The following NRXN3 variants were observed in gnomAD, a reference collection of about 807,000 sequenced individuals.
NRXN3 encodes the protein neurexin III.
A neutral mutation model predicts 137.6 loss-of-function variants in NRXN3; 32 were observed. The observed-to-expected ratio is 0.23, with a 90% CI of 0.18 to 0.31. The LOEUF (loss-of-function observed/expected upper bound fraction) is 0.31. Among genes scored for constraint, NRXN3 ranks in the 10% least tolerant of loss-of-function variants. The probability of loss-of-function intolerance (pLI) is 1.00; values close to 1 mark genes in which losing one functional copy is unlikely to be tolerated. For missense variants in NRXN3, 1,574 were observed against 2,062.5 expected, an observed-to-expected ratio of 0.76 and a Z score of 4.59; for synonymous variants, 798 against 784.5, an observed-to-expected ratio of 1.02 and a Z score of -0.29.
intron 16 of NRXN3, among the ~76,000 whole-genome samples, chr14:79,469,313 G>A (rs1037149525): frequency 5.3e-5 from 8 of 152,150 alleles, no homozygotes; most frequent in Admixed American, 4.6e-4. Context: ...GAAATTAGCA[G>A]TGTTTTAATA....
intron 4 of NRXN3, among the ~76,000 whole-genome samples, chr14:78,484,050 CA>C (rs1173360055): frequency 7.9e-6 from 1 of 126,804 alleles, no homozygotes; most frequent in East Asian, 2.5e-4. Flanking sequence ...AGAGAGAGAG[CA>C]AAAAAAGAAT....
At chr14:79,776,430 T>G (rs926838439) in intron 19 of NRXN3, among the ~76,000 whole-genome samples, 3 of 152,228 alleles carry the variant, frequency 2.0e-5, no homozygotes, top group African/African-American at 7.2e-5. Context: ...CACAAGGCTC[T>G]GTGATCACGT....
intron 4 of NRXN3, among the ~76,000 whole-genome samples, chr14:78,550,710 G>A (rs530491836): frequency 6.4e-4 from 97 of 152,250 alleles, no homozygotes; most frequent in African/African-American, 2.3e-3. Flanking sequence ...ACTGTAGGTA[G>A]CACAGGACTT....
intron 15 of NRXN3, among the ~76,000 whole-genome samples, chr14:79,379,606 G>A (rs2094407225): frequency 6.6e-6 from 1 of 152,150 alleles, no homozygotes; most frequent in Non-Finnish European, 1.5e-5. Context: ...CGGCAGGACT[G>A]TAGCTTTATG....
chr14:78,738,719 CTTTTG>C (rs1266975718), intron 8 of NRXN3, among the ~76,000 whole-genome samples: 1 of 152,034 alleles, frequency 6.6e-6, no homozygotes, highest in Non-Finnish European at 1.5e-5. Context: ...TCTTCTTTGT[CTTTTG>C]TTTTATCTAT....
At chr14:78,985,998 C>T (rs190701739) in intron 14 of NRXN3, among the ~76,000 whole-genome samples, 31 of 152,266 alleles carry the variant, frequency 2.0e-4, no homozygotes, top group African/African-American at 7.2e-4. Flanking sequence ...ATGTCATATC[C>T]TCATAGCATT....
chr14:78,472,161 C>A (rs965574606), intron 4 of NRXN3, among the ~76,000 whole-genome samples: 12 of 152,184 alleles, frequency 7.9e-5, no homozygotes, highest in African/African-American at 2.9e-4. Context: ...AAGTTCCCCT[C>A]AGTGTTGGAA....
rs866029675 is a variant in NRXN3 at position 79,382,352 on chromosome 14, C to A, written c.3263-84869C>A. Among the ~76,000 whole-genome samples, 66 of 152,198 alleles carry A rather than the reference C, an allele frequency of 4.3e-4. 1 individual carries two copies. Among genetic ancestry groups the A allele is most frequent in the Middle Eastern group, 3.4e-3 (1 of 294 alleles). On this transcript the variant is annotated intron_variant, in intron 15 of 20. Coordinates refer to ENST00000335750, the MANE Select transcript of NRXN3 (RefSeq NM_001330195.2). Reference sequence around the variant, plus strand: ...AATGCGCAGGACAATGGGCTGTCTACCAAGAGGCAGGAGCTAGAGGGAAGT... The same window carrying A: ...AATGCGCAGGACAATGGGCTGTCTAACAAGAGGCAGGAGCTAGAGGGAAGT...
At position 79,560,504 on chromosome 14, in the gene NRXN3, C is replaced by CTTTTTTTTTTTTTTTTTTTTTTT. The variant is rs34025659; in HGVS notation, c.3444+93104_3444+93126dup. ...AATTCTACAAGGACAAGATTGTAAG[C>CTTTTTTTTTTTTTTTTTTTTTTT]TTTTTTTTTTTTTTTTTTTTTTTTG... On this transcript the variant is annotated intron_variant, in intron 16 of 20. Transcript: ENST00000335750. 3.7e-4 allele frequency among the ~76,000 whole-genome samples: 16 copies of CTTTTTTTTTTTTTTTTTTTTTTT among 43,768 alleles called. 4 individuals are homozygous for CTTTTTTTTTTTTTTTTTTTTTTT. Among genetic ancestry groups the CTTTTTTTTTTTTTTTTTTTTTTT allele is most frequent in the East Asian group, 3.2e-3 (3 of 948 alleles). 28.7% of individuals were successfully genotyped at this position (43,768 alleles called of 152,430 possible). A position where few individuals can be genotyped will look rare whatever the true frequency, so the allele number is the denominator to read the frequency against.
In NRXN3 at chr14:78,636,336, T is replaced by C. The variant is rs564017879; in HGVS notation, c.758-8784T>C. On this transcript the variant is annotated intron_variant, in intron 4 of 20. Coordinates refer to ENST00000335750, the MANE Select transcript of NRXN3 (RefSeq NM_001330195.2). ...TCCATAAGGGCAGAGTTTACTGTGG[T>C]AAGGATTACTGCATGGGACTGCCTA... 2.0e-5 allele frequency among the ~76,000 whole-genome samples: 3 copies of C among 152,212 alleles called. No individual in the cohort carries two copies. In the South Asian group the frequency reaches 6.2e-4, roughly 32 times the overall value.
At chr14:79,176,151 C>T (rs538207348) in intron 15 of NRXN3, among the ~76,000 whole-genome samples, 2 of 152,316 alleles carry the variant, frequency 1.3e-5, no homozygotes, top group African/African-American at 4.8e-5. Context: ...GAACCAACCA[C>T]GTTAACAGGA....
At chr14:79,101,310 A>G (rs1040880718) in intron 15 of NRXN3, among the ~76,000 whole-genome samples, 2 of 152,184 alleles carry the variant, frequency 1.3e-5, no homozygotes, top group Admixed American at 1.3e-4. Flanking sequence ...AAGAATTGCT[A>G]CTTCTCTTTA....
At chr14:78,542,415 C>T (rs2096599003) in intron 4 of NRXN3, among the ~76,000 whole-genome samples, 1 of 152,236 alleles carries the variant, frequency 6.6e-6, no homozygotes, top group African/African-American at 2.4e-5. Flanking sequence ...CTCCCCCAGC[C>T]AGGCTGCCAC....
At chr14:79,845,595 AGAGAGAGACAGAGAGAGAGACG>A (rs2099365672) in intron 20 of NRXN3, among the ~76,000 whole-genome samples, 11 of 149,664 alleles carry the variant, frequency 7.3e-5, no homozygotes, top group African/African-American at 2.4e-4. Flanking sequence ...AGACAGAGAG[AGAGAGAGACAGAGAGAGAGACG>A]GAGACGGGGA....
chr14:79,741,882 T>A, intron 19 of NRXN3, among the ~76,000 whole-genome samples: 1 of 152,260 alleles, frequency 6.6e-6, no homozygotes, highest in East Asian at 1.9e-4. Flanking sequence ...TATATGTATA[T>A]ACACAGACAT....
chr14:78,498,334 T>C (rs183438740), intron 4 of NRXN3, among the ~76,000 whole-genome samples: 67 of 152,284 alleles, frequency 4.4e-4, no homozygotes, highest in African/African-American at 1.3e-3. Context: ...GATTTCTTAC[T>C]GGGACTGGCT....
At chr14:78,797,725 T>A (rs1033576928) in intron 8 of NRXN3, among the ~76,000 whole-genome samples, 9 of 152,076 alleles carry the variant, frequency 5.9e-5, no homozygotes, top group African/African-American at 2.2e-4. Flanking sequence ...ACTGGGTGAT[T>A]GGTATGAAAA....
rs138811128 is a variant in NRXN3, at chr14:79,466,544, C to T, written c.3263-677C>T. On this transcript the variant is annotated intron_variant, in intron 15 of 20. Coordinates refer to ENST00000335750, the MANE Select transcript of NRXN3 (RefSeq NM_001330195.2). ...CAAAGGGTGCAGTGAGCCGAGGTTG[C>T]GCCACTGCACTCCAGCCTGGGCAAC... Among the ~76,000 whole-genome samples the T allele has an allele frequency of 1.0e-3, 158 of 152,160 alleles. 1 individual carries two copies. The Middle Eastern group carries it at 0.017, about 16-fold the overall frequency.
At chr14:79,780,565 C>T (rs974872613) in intron 19 of NRXN3, among the ~76,000 whole-genome samples, 7 of 152,024 alleles carry the variant, frequency 4.6e-5, no homozygotes, top group South Asian at 2.1e-4. Context: ...GTCGAGACTG[C>T]GCCACTGCAC....
Sources: allele counts gnomAD v4.1 joint callset (sites outside exome capture counted in the v4.1 genomes callset), GRCh38; gene constraint gnomAD v4.1.1; transcripts MANE v1.5; gene names NCBI Gene and HGNC (gene_info 2026-07-23, HGNC 2026-07-21).